Variants in FBLN2 observed in about 807,000 individuals in gnomAD.
FBLN2 encodes the protein fibulin-2.
A neutral mutation model predicts 123.7 loss-of-function variants in FBLN2; 81 were observed. The ratio of observed to expected loss-of-function variants is 0.65; its 90% CI spans 0.55 to 0.79. FBLN2 has a LOEUF of 0.79. Ranked by LOEUF, FBLN2 falls within the 30% of genes least tolerant of loss-of-function variation. The pLI, the probability that FBLN2 is intolerant of heterozygous loss-of-function variation, is 0.00. For synonymous variants in FBLN2, 699 were observed against 701.4 expected, an observed-to-expected ratio of 1.00 and a Z score of 0.05; for missense variants, 1,603 against 1,681.3, an observed-to-expected ratio of 0.95 and a Z score of 0.81.
chr3:13,564,167 G>A (rs1181921850), intron 1 of FBLN2, among the ~76,000 whole-genome samples: 1 of 152,182 alleles, frequency 6.6e-6, no homozygotes, highest in Non-Finnish European at 1.5e-5. Flanking sequence ...TGTGTGAACA[G>A]GCTGGGTGGC....
intron 2 of FBLN2, among the ~76,000 whole-genome samples, chr3:13,573,060 G>T (rs1270099875): frequency 6.6e-6 from 1 of 152,140 alleles, no homozygotes; most frequent in Non-Finnish European, 1.5e-5. Context: ...GAATCTGGGG[G>T]CCTCACAGAC....
rs552582827 is a variant in FBLN2, at chr3:13,625,073, G to T, written c.2297-1372G>T. 7.9e-5 allele frequency among the ~76,000 whole-genome samples: 12 copies of T among 151,686 alleles called. No homozygotes were observed. In the South Asian group the frequency reaches 2.5e-3, roughly 32 times the overall value. ...CCTCTGTGGCCCCGGGGCAGTTTCT[G>T]AGTTGGTGGCCTCTGTGGCCTGGGG... On this transcript the variant is annotated intron_variant, in intron 9 of 17. Coordinates refer to ENST00000404922, the MANE Select transcript of FBLN2 (RefSeq NM_001004019.2).
chr3:13,598,704 C>A (rs1234454954), intron 2 of FBLN2, among the ~76,000 whole-genome samples: 1 of 152,230 alleles, frequency 6.6e-6, no homozygotes, highest in Non-Finnish European at 1.5e-5. Context: ...GGGACCTGGT[C>A]TGTGCTGTGT....
intron 2 of FBLN2, among the ~76,000 whole-genome samples, chr3:13,583,747 G>C (rs988488468): frequency 6.6e-6 from 1 of 152,236 alleles, no homozygotes; most frequent in Non-Finnish European, 1.5e-5. Flanking sequence ...CATATATAAA[G>C]GTGGGATTAG....
chr3:13,574,259 C>T (rs1704060120), intron 2 of FBLN2, among the ~76,000 whole-genome samples: 1 of 152,206 alleles, frequency 6.6e-6, no homozygotes, highest in African/African-American at 2.4e-5. Flanking sequence ...CCCTTTCCTG[C>T]CATGCATTCC....
intron 12 of FBLN2, 28 bp downstream of exon 12, chr3:13,629,076 G>A (rs1706155921): frequency 6.2e-7 from 1 of 1,612,718 alleles, no homozygotes; most frequent in Non-Finnish European, 8.5e-7. Context: ...CGCCCTGCCA[G>A]CCAGCCCGGC....
chr3:13,550,196 C>T (rs1290059586), intron 1 of FBLN2, among the ~76,000 whole-genome samples: 1 of 152,186 alleles, frequency 6.6e-6, no homozygotes, highest in African/African-American at 2.4e-5. Flanking sequence ...GGGTGGGGAG[C>T]CGATTTTGGA....
At chr3:13,592,942 G>T (rs1704722755) in intron 2 of FBLN2, among the ~76,000 whole-genome samples, 1 of 152,140 alleles carries the variant, frequency 6.6e-6, no homozygotes, top group South Asian at 2.1e-4. Flanking sequence ...GCTGGTCTGG[G>T]ATGGCCTCTG....
In FBLN2 at chr3:13,629,002, C is replaced by G. The variant is rs1489460628; in HGVS notation, c.2667C>G (p.Ile889Met). The change falls in exon 12 of 18, where the codon ATC becomes ATG. Residue 889 changes from isoleucine (I) to methionine (M), a missense_variant. Physicochemically the swap from Ile to Met is conservative, Grantham distance 10. Transcript: ENST00000404922. ...ACACATGCCAGAGGAACCCGCTGATCTGCGCGCGCGGCTACCACGCCAGCG... is the reference window on the plus strand; with the variant it reads ...ACACATGCCAGAGGAACCCGCTGATGTGCGCGCGCGGCTACCACGCCAGCG... ...GSYTCQRNPL[I>M]CARGYHASDD... The G allele has an allele frequency of 4.3e-6, 7 of 1,613,514 alleles. 1 individual carries two copies. Among genetic ancestry groups the G allele is most frequent in the African/African-American group, 4.0e-5 (3 of 75,044 alleles).
chr3:13,612,944 C>G (rs542645638), intron 4 of FBLN2, among the ~76,000 whole-genome samples: 156 of 152,234 alleles, frequency 1.0e-3, no homozygotes, highest in African/African-American at 3.6e-3. Context: ...CTTCTGCTGA[C>G]CTGAGCCACG....
rs1705496801 is a variant in FBLN2, at chr3:13,614,112, C to T, written c.1677C>T (p.Leu559=). The T allele has an allele frequency of 6.2e-7, 1 of 1,613,566 alleles. No homozygotes were observed. ...MLSCCEGEEP[L]IVPEVRRPPE... is the part of the protein sequence containing the mutation. ...CCTGCTGTGAGGGTGAAGAGCCTCT[C>T]ATAGTACCTGAGGTTCGCCGACCTC... is the stretch of plus-strand genomic sequence containing the variant. The change falls in exon 5 of 18, where the codon CTC becomes CTT. Residue 559 remains leucine, a synonymous_variant. Coordinates refer to ENST00000404922, the MANE Select transcript of FBLN2 (RefSeq NM_001004019.2).
intron 10 of FBLN2, among the ~76,000 whole-genome samples, chr3:13,627,570 G>A (rs772835736): frequency 6.6e-6 from 1 of 152,198 alleles, no homozygotes; most frequent in Non-Finnish European, 1.5e-5. Context: ...TCTTACGGCT[G>A]TGTGGGGTTT....
rs1307709545 is a variant in FBLN2 at position 13,636,449 on chromosome 3, G to C, written c.3219G>C (p.Val1073=). Residue 1073 remains valine (V), a synonymous_variant, in exon 17 of 18, where the codon GTG becomes GTC. Coordinates refer to ENST00000404922, the MANE Select transcript of FBLN2 (RefSeq NM_001004019.2). ...MTANGRSCKD[V]DECALGTHNC... Reference sequence around the variant, plus strand: ...ATTGCCCCTCTTCTCCCCCAGACGTGGATGAGTGTGCACTGGGTACCCACA... The same window carrying C: ...ATTGCCCCTCTTCTCCCCCAGACGTCGATGAGTGTGCACTGGGTACCCACA... The C allele has an allele frequency of 1.2e-6, 2 of 1,613,674 alleles. No homozygotes were observed. Among genetic ancestry groups the C allele is most frequent in the Non-Finnish European group, 1.7e-6 (2 of 1,179,740 alleles).
chr3:13,552,936 G>C (rs1283912925), intron 1 of FBLN2, among the ~76,000 whole-genome samples: 1 of 152,138 alleles, frequency 6.6e-6, no homozygotes, highest in Non-Finnish European at 1.5e-5. Context: ...CCCCAGGGGT[G>C]CCTGCATGGG....
chr3:13,588,340 A>G (rs1177521186), intron 2 of FBLN2, among the ~76,000 whole-genome samples: 1 of 152,236 alleles, frequency 6.6e-6, no homozygotes, highest in Non-Finnish European at 1.5e-5. Context: ...TCCTCACACG[A>G]TGACGACACC....
chr3:13,594,026 T>A (rs368300603), intron 2 of FBLN2, among the ~76,000 whole-genome samples: 73 of 152,246 alleles, frequency 4.8e-4, no homozygotes, highest in African/African-American at 1.7e-3. Context: ...AGCTGGTATC[T>A]TGTAAAATGT....
At chr3:13,618,368 TG>T in intron 6 of FBLN2, 83 bp downstream of exon 6, 1 of 1,310,318 alleles carries the variant, frequency 7.6e-7, no homozygotes. Context: ...GTGCACACTG[TG>T]GGGTCCTTCA....
intron 4 of FBLN2, among the ~76,000 whole-genome samples, chr3:13,612,602 C>A (rs930585188): frequency 7.2e-6 from 1 of 139,492 alleles, no homozygotes; most frequent in Non-Finnish European, 1.5e-5. Context: ...AGGATGGTCT[C>A]GATCTCCTGA....
At chr3:13,624,285 G>A (rs1272432571) in intron 9 of FBLN2, among the ~76,000 whole-genome samples, 4 of 152,204 alleles carry the variant, frequency 2.6e-5, no homozygotes, top group African/African-American at 7.2e-5. Context: ...CTTGCAGAAC[G>A]ATGTCCTCTA....
Sources: allele counts gnomAD v4.1 joint callset (sites outside exome capture counted in the v4.1 genomes callset), GRCh38; gene constraint gnomAD v4.1.1; transcripts MANE v1.5; gene names NCBI Gene and HGNC (gene_info 2026-07-23, HGNC 2026-07-21).